The following N4BP2L1 variants were observed in gnomAD, a reference collection of about 807,000 sequenced individuals.
N4BP2L1 encodes the protein NEDD4 binding protein 2 like 1.
N4BP2L1 carries 12 observed loss-of-function variants against 21.2 expected under a neutral mutation model. The observed-to-expected ratio is 0.57, with a 90% CI of 0.36 to 0.92. N4BP2L1 has a LOEUF of 0.92. Ranked by LOEUF, N4BP2L1 falls within the 40% of genes least tolerant of loss-of-function variation. The pLI, the probability that N4BP2L1 is intolerant of heterozygous loss-of-function variation, is 0.01. For synonymous variants in N4BP2L1, 104 were observed against 112.8 expected (o/e 0.92, Z 0.49); for missense variants, 259 against 310.6 (o/e 0.83, Z 1.25).
intron 1 of N4BP2L1, chr13:32,411,674 C>T: frequency 1.0e-6 from 1 of 985,168 alleles, no homozygotes. Context: ...CCTTCACCTC[C>T]CACAACCCCC....
In N4BP2L1 at chr13:32,404,366, C is replaced by T. The variant is rs747937300; in HGVS notation, c.428G>A (p.Arg143Gln). The change falls in exon 4 of 5, where the codon CGA becomes CAA. Residue 143 changes from arginine to glutamine, a missense_variant. Arg to Gln is a conservative substitution (Grantham distance 43, BLOSUM62 1). Around this residue, in one of 3 missense-constraint regions of N4BP2L1, gnomAD observed 91 missense variants for 148.1 expected, o/e 0.61. Coordinates refer to ENST00000380130, the MANE Select transcript of N4BP2L1 (RefSeq NM_052818.3). ...GAATTTCCAGCGAGTGTCAGGTTCT[C>T]GGAATATAACTTCATAGTTATTTTC... ...ALENNYEVIFREPDTRWKFNV... is the reference protein window; with the variant it reads ...ALENNYEVIFQEPDTRWKFNV... The T allele has an allele frequency of 8.7e-6, 14 of 1,613,116 alleles. No homozygotes were observed. Among genetic ancestry groups the T allele is most frequent in the East Asian group, 2.2e-5 (1 of 44,850 alleles).
At chr13:32,425,602 C>G (rs1407110165) in intron 1 of N4BP2L1, 2 of 152,214 alleles carry the variant, frequency 1.3e-5, no homozygotes, top group African/African-American at 4.8e-5. Flanking sequence ...CAGAGGCAAA[C>G]AGAACAGATA....
upstream of N4BP2L1, chr13:32,428,146 G>A: frequency 7.3e-7 from 1 of 1,375,220 alleles, no homozygotes. Context: ...CTTGGCCAAA[G>A]CTGTTGTTTT....
intron 1 of N4BP2L1, among the ~76,000 whole-genome samples, chr13:32,427,551 G>C (rs890537954): frequency 2.0e-5 from 3 of 152,234 alleles, no homozygotes; most frequent in Non-Finnish European, 2.9e-5. Context: ...GCCCCAGGCG[G>C]GGCACGGCGG....
intron 1 of N4BP2L1, among the ~76,000 whole-genome samples, chr13:32,417,006 G>A (rs919943606): frequency 6.6e-6 from 1 of 151,966 alleles, no homozygotes; most frequent in African/African-American, 2.4e-5. Context: ...TAGTAGAGAC[G>A]AGGTTTCCCC....
chr13:32,421,628 A>G (rs982780544), intron 1 of N4BP2L1, among the ~76,000 whole-genome samples: 5 of 152,298 alleles, frequency 3.3e-5, no homozygotes, highest in African/African-American at 1.2e-4. Flanking sequence ...CCAGTGTCCA[A>G]AAAGGGCCGG....
chr13:32,410,001 A>G (rs2073759532), intron 1 of N4BP2L1, among the ~76,000 whole-genome samples: 1 of 152,262 alleles, frequency 6.6e-6, no homozygotes, highest in Non-Finnish European at 1.5e-5. Context: ...TCAGAGGAGC[A>G]AAGATCATCG....
Position 32,415,946 on chromosome 13 carries a change from T to C in N4BP2L1, c.180-8174A>G, listed in dbSNP as rs2074114108. The C allele has an allele frequency of 5.3e-5, 8 of 152,346 alleles. 1 individual carries two copies. In the South Asian group the frequency reaches 1.7e-3, roughly 32 times the overall value. The allele number at this position is 152,346 out of a possible 1,614,324, so 9.4% of individuals were successfully genotyped here. A position where few individuals can be genotyped will look rare whatever the true frequency, so the allele number is the denominator to read the frequency against. On this transcript the variant is annotated intron_variant, in intron 1 of 4. Transcript: ENST00000380130. ...ACATACGGTTTCCTTAGAGGTTATA[T>C]CCATTTCCCTACCTCTGGCACATAA...
chr13:32,410,880 A>T (rs2073820717), intron 1 of N4BP2L1, among the ~76,000 whole-genome samples: 1 of 152,018 alleles, frequency 6.6e-6, no homozygotes, highest in Non-Finnish European at 1.5e-5. Flanking sequence ...ATCCCTTCTA[A>T]ATCTGGTTTC....
chr13:32,427,987 C>A lies in N4BP2L1; in HGVS notation c.96G>T (p.Gly32=), dbSNP rs1332694741. The part of the protein sequence containing the change: ...RQRPPRPPPR[G]TPPRRHSFRK... Reference sequence around the variant, plus strand: ...TAAAGCTGTGGCGGCGAGGAGGTGTCCCCCGCGGGGGCGGCCGGGGCGGCC... The same window carrying A: ...TAAAGCTGTGGCGGCGAGGAGGTGTACCCCGCGGGGGCGGCCGGGGCGGCC... Residue 32 remains glycine, a synonymous_variant, in exon 1 of 5, where the codon GGG becomes GGT. Transcript: ENST00000380130. 1 of 1,554,534 alleles carries A rather than the reference C, an allele frequency of 6.4e-7. No individual in the cohort carries two copies. The highest frequency in any genetic ancestry group is 8.7e-7 in the Non-Finnish European group (1 of 1,152,496).
At chr13:32,403,333 C>T (rs2137710252) in intron 4 of N4BP2L1, 133 bp from the exon 5 acceptor site, 1 of 913,946 alleles carries the variant, frequency 1.1e-6, no homozygotes, top group Non-Finnish European at 1.6e-6. Flanking sequence ...GCATAACAAA[C>T]ATCTTGTTCA....
chr13:32,407,412 C>A, intron 2 of N4BP2L1, 74 bp from the exon 3 acceptor site: 1 of 1,609,944 alleles, frequency 6.2e-7, no homozygotes, highest in African/African-American at 1.3e-5. Context: ...CTCTATTCGT[C>A]ATTTTTATTA....
At chr13:32,416,217 C>T (rs2074131385) in intron 1 of N4BP2L1, among the ~76,000 whole-genome samples, 1 of 152,136 alleles carries the variant, frequency 6.6e-6, no homozygotes, top group African/African-American at 2.4e-5. Context: ...TGTGTGCTAA[C>T]CACTATTCTA....
intron 3 of N4BP2L1, among the ~76,000 whole-genome samples, chr13:32,405,275 C>T (rs576578168): frequency 7.9e-5 from 12 of 152,106 alleles, no homozygotes; most frequent in Middle Eastern, 3.4e-3. Context: ...TTTGGGAGGC[C>T]GAGGCGGGTG....
At chr13:32,414,972 G>A (rs2074048475) in intron 1 of N4BP2L1, among the ~76,000 whole-genome samples, 1 of 152,180 alleles carries the variant, frequency 6.6e-6, no homozygotes, top group African/African-American at 2.4e-5. Context: ...TTTCCCCACA[G>A]GCATTAATAT....
chr13:32,404,616 A>T (rs960206157), intron 3 of N4BP2L1, among the ~76,000 whole-genome samples: 3 of 149,824 alleles, frequency 2.0e-5, no homozygotes, highest in Non-Finnish European at 3.0e-5. Flanking sequence ...TTTATCTAGT[A>T]TGTAGGAAAT....
intron 1 of N4BP2L1, among the ~76,000 whole-genome samples, chr13:32,408,154 T>TGCC (rs1184325119): frequency 1.3e-5 from 2 of 152,188 alleles, no homozygotes; most frequent in Non-Finnish European, 2.9e-5. Flanking sequence ...CCAGTGCCCC[T>TGCC]GCCCAAGACC....
In N4BP2L1 at chr13:32,412,930, T is replaced by C. The variant is rs371133679; in HGVS notation, c.180-5158A>G. Among the ~76,000 whole-genome samples, 57 of 152,292 alleles carry C rather than the reference T, an allele frequency of 3.7e-4. 1 individual carries two copies. Among genetic ancestry groups the C allele is most frequent in the African/African-American group, 1.4e-3 (57 of 41,552 alleles). ...TTATTTTTATGCATTTATGTACTTA[T>C]GTGTTTATTTAGAGATGGAGTCCCA... On this transcript the variant is annotated intron_variant, in intron 1 of 4. Transcript: ENST00000380130.
chr13:32,415,339 G>C (rs1224085705), intron 1 of N4BP2L1, among the ~76,000 whole-genome samples: 1 of 152,100 alleles, frequency 6.6e-6, no homozygotes, highest in Admixed American at 6.5e-5. Flanking sequence ...AAGAAGAAAG[G>C]GTAGTTAACT....
Sources: gnomAD v4.1 joint callset for allele counts (sites outside exome capture counted in the v4.1 genomes callset) on GRCh38, gnomAD v4.1.1 for gene constraint, gnomAD v4.1.1 regional missense constraint, MANE v1.5 for transcripts, NCBI Gene and HGNC (gene_info 2026-07-23, HGNC 2026-07-21) for gene names.